Variants in ZBTB16 observed in about 807,000 individuals in gnomAD.
ZBTB16 encodes the protein zinc finger and BTB domain-containing protein 16.
Under a neutral mutation model 56.8 loss-of-function variants are expected in ZBTB16, and 8 were observed. The ratio of observed to expected loss-of-function variants is 0.14; its 90% CI spans 0.08 to 0.25. The LOEUF is 0.25. Among genes scored for constraint, ZBTB16 ranks in the 10% least tolerant of loss-of-function variants. The pLI, the probability that ZBTB16 is intolerant of heterozygous loss-of-function variation, is 1.00. For synonymous variants in ZBTB16, 363 were observed against 368.5 expected, an observed-to-expected ratio of 0.98 and a Z score of 0.17; for missense variants, 625 against 903.0, an observed-to-expected ratio of 0.69 and a Z score of 3.95.
intron 2 of ZBTB16, among the ~76,000 whole-genome samples, chr11:114,119,214 G>A (rs1029199925): frequency 1.7e-4 from 20 of 117,908 alleles, no homozygotes; most frequent in African/African-American, 3.9e-4. Flanking sequence ...GCAGTGAGCC[G>A]AAACCACACC....
chr11:114,129,560 G>A (rs1213825730), intron 2 of ZBTB16, among the ~76,000 whole-genome samples: 1 of 152,166 alleles, frequency 6.6e-6, no homozygotes, highest in Non-Finnish European at 1.5e-5. Context: ...ATTCTGTCTG[G>A]TCTCTCTTGC....
At chr11:114,225,519 G>A (rs1944311746) in intron 4 of ZBTB16, among the ~76,000 whole-genome samples, 1 of 152,174 alleles carries the variant, frequency 6.6e-6, no homozygotes, top group Non-Finnish European at 1.5e-5. Context: ...CCACTCCATG[G>A]TGGAAGGCGA....
At chr11:114,090,120 A>G (rs887106521) in intron 2 of ZBTB16, among the ~76,000 whole-genome samples, 2 of 152,188 alleles carry the variant, frequency 1.3e-5, no homozygotes, top group African/African-American at 2.4e-5. Context: ...CACTTTATGG[A>G]TAAGTGACCG....
chr11:114,092,656 C>T (rs1940235427), intron 2 of ZBTB16, among the ~76,000 whole-genome samples: 1 of 152,128 alleles, frequency 6.6e-6, no homozygotes, highest in Non-Finnish European at 1.5e-5. Context: ...TCTTGCTAGG[C>T]CTTAGTTTGT....
At position 114,242,343 on chromosome 11, in the gene ZBTB16, T is replaced by A. The variant is rs1944725451; in HGVS notation, c.1624+6T>A. The stretch of plus-strand genomic sequence containing the variant: ...CCACCTGCGCTCACATACAGGTAGG[T>A]CAGTCCAGCTGATGGGTGGATCTGG... On this transcript the variant is annotated splice_donor_region_variant and intron_variant, in intron 5 of 6. Transcript: ENST00000335953. 1 of 1,612,846 alleles carries A rather than the reference T, an allele frequency of 6.2e-7. No homozygotes were observed. Among genetic ancestry groups the A allele is most frequent in the Non-Finnish European group, 8.5e-7 (1 of 1,180,018 alleles).
At chr11:114,198,935 G>A (rs1237566675) in intron 4 of ZBTB16, among the ~76,000 whole-genome samples, 1 of 152,268 alleles carries the variant, frequency 6.6e-6, no homozygotes, top group Non-Finnish European at 1.5e-5. Context: ...TTTATATGAA[G>A]CATCACTGCC....
chr11:114,217,615 G>T (rs572117092), intron 4 of ZBTB16, among the ~76,000 whole-genome samples: 6 of 152,308 alleles, frequency 3.9e-5, no homozygotes, highest in African/African-American at 1.4e-4. Flanking sequence ...AACATCTAGG[G>T]AGCAGCTAGG....
chr11:114,151,239 C>G lies in ZBTB16; in HGVS notation c.1269-5098C>G, dbSNP rs376725412. ...GTCATAGAATCAGAAAGCAAAAACCCAAAGCATTGGGGTGACTTTTGCATG... is the reference window on the plus strand; with the variant it reads ...GTCATAGAATCAGAAAGCAAAAACCGAAAGCATTGGGGTGACTTTTGCATG... On this transcript the variant is annotated intron_variant, in intron 2 of 6. Coordinates refer to ENST00000335953, the MANE Select transcript of ZBTB16 (RefSeq NM_006006.6). Among the ~76,000 whole-genome samples, 12 of 152,222 alleles carry G rather than the reference C, an allele frequency of 7.9e-5. No homozygotes were observed. In the East Asian group the frequency reaches 1.9e-3, roughly 25 times the overall value.
intron 2 of ZBTB16, among the ~76,000 whole-genome samples, chr11:114,128,856 G>C (rs1941586238): frequency 6.6e-6 from 1 of 152,212 alleles, no homozygotes; most frequent in Non-Finnish European, 1.5e-5. Flanking sequence ...CACTGAAGCA[G>C]CCCAGAGGCG....
Position 114,063,170 on chromosome 11 carries a change from T to C in ZBTB16, c.-90-41T>C. ...GGACACTGATGAATTTGTCTTTTGT[T>C]CTCTCATCTCTTTTGCTTCTTCCCC... On this transcript the variant is annotated intron_variant, in intron 1 of 6. Coordinates refer to ENST00000335953, the MANE Select transcript of ZBTB16 (RefSeq NM_006006.6). The surrounding 1 kb of genome is among the most constrained non-coding windows in gnomAD (Gnocchi z 6.5). The C allele has an allele frequency of 9.9e-7, 1 of 1,005,958 alleles. No individual in the cohort carries two copies. The highest frequency in any genetic ancestry group is 1.5e-6 in the Non-Finnish European group (1 of 673,848). The allele number at this position is 1,005,958 out of a possible 1,614,324, so 62.3% of individuals were successfully genotyped here. A position where few individuals can be genotyped will look rare whatever the true frequency, so the allele number is the denominator to read the frequency against.
chr11:114,182,446 A>T (rs771588105), intron 3 of ZBTB16, among the ~76,000 whole-genome samples: 12 of 152,130 alleles, frequency 7.9e-5, no homozygotes, highest in Non-Finnish European at 1.6e-4. Context: ...CATCTTGAAC[A>T]TAAACTCCCT....
chr11:114,162,305 CT>C (rs1942611607), intron 3 of ZBTB16, among the ~76,000 whole-genome samples: 1 of 152,104 alleles, frequency 6.6e-6, no homozygotes, highest in Non-Finnish European at 1.5e-5. Flanking sequence ...TTTATTTATT[CT>C]TTTTTGGAGC....
chr11:114,136,843 T>TA (rs1180828057), intron 2 of ZBTB16, among the ~76,000 whole-genome samples: 1 of 152,198 alleles, frequency 6.6e-6, no homozygotes, highest in Non-Finnish European at 1.5e-5. Context: ...AGCTCCCTTG[T>TA]AGGTCACCTC....
At chr11:114,191,334 T>G (rs901633452) in intron 4 of ZBTB16, among the ~76,000 whole-genome samples, 4 of 152,242 alleles carry the variant, frequency 2.6e-5, no homozygotes, top group African/African-American at 9.6e-5. Flanking sequence ...ACTGTGCCTT[T>G]TCTACATTTA....
intron 2 of ZBTB16, among the ~76,000 whole-genome samples, chr11:114,111,187 G>A (rs1021638287): frequency 6.6e-6 from 1 of 151,920 alleles, no homozygotes; most frequent in African/African-American, 2.4e-5. Flanking sequence ...GTGTGCACGC[G>A]CGAGATAACT....
At chr11:114,210,130 G>T (rs1318320034) in intron 4 of ZBTB16, among the ~76,000 whole-genome samples, 1 of 151,540 alleles carries the variant, frequency 6.6e-6, no homozygotes, top group African/African-American at 2.4e-5. Flanking sequence ...TGTGCGGGTT[G>T]ATCATTAATG....
Position 114,176,421 on chromosome 11 carries a change from CG to C in ZBTB16, c.1367-10528del, listed in dbSNP as rs1292692560. Among the ~76,000 whole-genome samples the C allele has an allele frequency of 2.0e-5, 3 of 152,300 alleles. No individual in the cohort carries two copies. The East Asian group carries it at 5.8e-4, about 29-fold the overall frequency. On this transcript the variant is annotated intron_variant, in intron 3 of 6. Transcript: ENST00000335953. ...GAAAGCCCAGGTATTCCCTGGAACT[CG>C]GGTCAGTCTTTGGCACAGCCGCACT... is the stretch of plus-strand genomic sequence containing the variant.
At chr11:114,199,689 A>C (rs1253386838) in intron 4 of ZBTB16, among the ~76,000 whole-genome samples, 1 of 152,160 alleles carries the variant, frequency 6.6e-6, no homozygotes, top group Non-Finnish European at 1.5e-5. Context: ...GGGCAAGAAA[A>C]GTACTGTTTG....
Position 114,227,047 on chromosome 11 carries a change from AT to A in ZBTB16, c.1454-15117del, listed in dbSNP as rs531620095. ...GCTTGCCTATTCAGTAAGCCTATAA[AT>A]TTACTGTCCCCTGTCCACCACCATC... On this transcript the variant is annotated intron_variant, in intron 4 of 6. Transcript: ENST00000335953. Among the ~76,000 whole-genome samples, 24 of 152,188 alleles carry A rather than the reference AT, an allele frequency of 1.6e-4. 1 individual carries two copies. In the East Asian group the frequency reaches 4.1e-3, roughly 26 times the overall value.
Sources: allele counts gnomAD v4.1 joint callset (sites outside exome capture counted in the v4.1 genomes callset), GRCh38; gene constraint gnomAD v4.1.1; non-coding constraint Gnocchi (gnomAD v3.1); transcripts MANE v1.5; gene names NCBI Gene and HGNC (gene_info 2026-07-23, HGNC 2026-07-21).